Variants in PPME1 observed in about 807,000 individuals in gnomAD.
PPME1 encodes protein phosphatase methylesterase 1.
A neutral mutation model predicts 56.9 loss-of-function variants in PPME1; 17 were observed. That is an observed-to-expected ratio of 0.30 (90% CI 0.20 to 0.45). The LOEUF (loss-of-function observed/expected upper bound fraction) is 0.45. Among genes scored for constraint, PPME1 ranks in the 20% least tolerant of loss-of-function variants. PPME1 has a pLI of 1.00. For missense variants in PPME1, 357 were observed against 483.2 expected, an observed-to-expected ratio of 0.74 and a Z score of 2.45; for synonymous variants, 122 against 156.2, an observed-to-expected ratio of 0.78 and a Z score of 1.63.
intron 1 of PPME1, among the ~76,000 whole-genome samples, chr11:74,173,559 A>T (rs990678070): frequency 2.0e-5 from 3 of 151,736 alleles, no homozygotes; most frequent in Non-Finnish European, 2.9e-5. Context: ...ATTTTTTTTT[A>T]GAGACAGAGT....
chr11:74,186,240 A>G (rs1158960476), intron 1 of PPME1, among the ~76,000 whole-genome samples: 1 of 152,096 alleles, frequency 6.6e-6, no homozygotes, highest in Non-Finnish European at 1.5e-5. Flanking sequence ...CCCTGTGATC[A>G]TGATCATAAT....
chr11:74,200,022 A>G (rs1457520335), intron 1 of PPME1, among the ~76,000 whole-genome samples: 1 of 152,246 alleles, frequency 6.6e-6, no homozygotes, highest in Non-Finnish European at 1.5e-5. Flanking sequence ...GCCAAACCAT[A>G]TCAGTAACTT....
intron 8 of PPME1, 155 bp from the exon 9 acceptor site, chr11:74,238,978 C>T (rs1411394036): frequency 5.4e-6 from 4 of 746,918 alleles, no homozygotes; most frequent in Non-Finnish European, 6.2e-6. Context: ...CATGATTTTC[C>T]ACAGCCCTGG....
intron 1 of PPME1, among the ~76,000 whole-genome samples, chr11:74,184,097 T>C (rs919740060): frequency 3.9e-5 from 6 of 152,228 alleles, no homozygotes; most frequent in African/African-American, 9.6e-5. Flanking sequence ...CTTTATTCTT[T>C]TAAGAAATAT....
At chr11:74,176,808 A>G (rs1291769302) in intron 1 of PPME1, among the ~76,000 whole-genome samples, 2 of 140,892 alleles carry the variant, frequency 1.4e-5, no homozygotes, top group African/African-American at 2.7e-5. Flanking sequence ...TTGGCCCACT[A>G]CAACCTCCAC....
Position 74,191,543 on chromosome 11 carries a change from C to G in PPME1, c.102-12185C>G, listed in dbSNP as rs1433342147. On this transcript the variant is annotated intron_variant, in intron 1 of 13. Coordinates refer to ENST00000328257, the MANE Select transcript of PPME1 (RefSeq NM_016147.3). ...AAGGTTTCAAAGTTGTTTCAGATGT[C>G]TTTGGGAAGGTCCCTCTCATCACAG... Among the ~76,000 whole-genome samples, 4 of 152,166 alleles carry G rather than the reference C, an allele frequency of 2.6e-5. No homozygotes were observed. The South Asian group carries it at 6.2e-4, about 24-fold the overall frequency.
intron 9 of PPME1, among the ~76,000 whole-genome samples, chr11:74,240,652 T>C (rs760802664): frequency 2.0e-5 from 3 of 152,232 alleles, no homozygotes; most frequent in Non-Finnish European, 2.9e-5. Context: ...TGTAATACTT[T>C]GTACCTCTTT....
chr11:74,229,667 C>G (rs1436087368), intron 5 of PPME1, among the ~76,000 whole-genome samples: 2 of 152,130 alleles, frequency 1.3e-5, no homozygotes, highest in East Asian at 3.9e-4. Flanking sequence ...GAGGTGTTTT[C>G]TTGTTCCCTT....
chr11:74,197,626 G>A (rs1197067308), intron 1 of PPME1, among the ~76,000 whole-genome samples: 2 of 152,182 alleles, frequency 1.3e-5, no homozygotes, highest in Non-Finnish European at 2.9e-5. Flanking sequence ...AATAAAGGCA[G>A]AACTGGGTTG....
chr11:74,215,477 G>C (rs1858613745), intron 3 of PPME1, among the ~76,000 whole-genome samples: 1 of 152,030 alleles, frequency 6.6e-6, no homozygotes. Flanking sequence ...TTACAATAAT[G>C]GGTTATGATA....
At chr11:74,247,878 C>T (rs1210857324) in intron 11 of PPME1, 1 of 152,568 alleles carries the variant, frequency 6.6e-6, no homozygotes, top group Non-Finnish European at 1.5e-5. Context: ...TAGAAGACAG[C>T]ATGGTAAGAT....
chr11:74,199,661 G>A (rs1858095280), intron 1 of PPME1, among the ~76,000 whole-genome samples: 1 of 152,142 alleles, frequency 6.6e-6, no homozygotes, highest in Non-Finnish European at 1.5e-5. Flanking sequence ...CTTTTAAAAT[G>A]TAACTATATT....
chr11:74,231,015 T>C lies in PPME1; in HGVS notation c.644+13T>C. 2 of 1,556,228 alleles carry C rather than the reference T, an allele frequency of 1.3e-6. No homozygotes were observed. Among genetic ancestry groups the C allele is most frequent in the Non-Finnish European group, 1.8e-6 (2 of 1,139,436 alleles). ...CTATTGAATGGAGGTAACCAACAAA[T>C]CTTTGTCGCCTTTATTTAATTAATT... is the stretch of plus-strand genomic sequence containing the variant. On this transcript the variant is annotated intron_variant, in intron 7 of 13. Coordinates refer to ENST00000328257, the MANE Select transcript of PPME1 (RefSeq NM_016147.3).
chr11:74,239,066 GA>G, intron 8 of PPME1, 66 bp from the exon 9 acceptor site: 1 of 1,447,546 alleles, frequency 6.9e-7, no homozygotes, highest in Non-Finnish European at 9.4e-7. Flanking sequence ...CCGTAAGTAT[GA>G]GTATCTCTGA....
chr11:74,180,822 GC>G (rs1361398920), intron 1 of PPME1, among the ~76,000 whole-genome samples: 1 of 152,024 alleles, frequency 6.6e-6, no homozygotes, highest in Non-Finnish European at 1.5e-5. Context: ...TTCTGCCCTT[GC>G]CCAATTTATC....
chr11:74,238,617 A>T (rs534051428), intron 8 of PPME1: 2 of 152,348 alleles, frequency 1.3e-5, no homozygotes, highest in South Asian at 4.2e-4. Flanking sequence ...TTAAGAGAAA[A>T]ACAACAATGA....
At chr11:74,188,683 G>C (rs1163308268) in intron 1 of PPME1, among the ~76,000 whole-genome samples, 1 of 152,118 alleles carries the variant, frequency 6.6e-6, no homozygotes, top group African/African-American at 2.4e-5. Flanking sequence ...TGTATATGGT[G>C]CTCAAAATAA....
intron 1 of PPME1, among the ~76,000 whole-genome samples, chr11:74,197,067 C>T (rs1327234043): frequency 6.6e-6 from 1 of 152,116 alleles, no homozygotes; most frequent in Non-Finnish European, 1.5e-5. Flanking sequence ...ACTATAAATA[C>T]TAGTTTATTT....
At chr11:74,222,251 G>A in intron 3 of PPME1, 61 bp from the exon 4 acceptor site, 1 of 1,275,490 alleles carries the variant, frequency 7.8e-7, no homozygotes. Flanking sequence ...AGTTATCATT[G>A]GGAATTGGGT....
Sources: allele counts gnomAD v4.1 joint callset (sites outside exome capture counted in the v4.1 genomes callset), GRCh38; gene constraint gnomAD v4.1.1; transcripts MANE v1.5; gene names NCBI Gene and HGNC (gene_info 2026-07-23, HGNC 2026-07-21).